Variants in MEF2A observed in about 807,000 individuals in gnomAD.
MEF2A encodes the protein myocyte enhancer factor 2A, also known as myocyte-specific enhancer factor 2A.
Under a neutral mutation model 55.8 loss-of-function variants are expected in MEF2A, and 28 were observed. The observed-to-expected ratio is 0.50, with a 90% CI of 0.37 to 0.69. The LOEUF (loss-of-function observed/expected upper bound fraction) is 0.69. Ranked by LOEUF, MEF2A falls within the 30% of genes least tolerant of loss-of-function variation. The pLI, the probability that MEF2A is intolerant of heterozygous loss-of-function variation, is 0.00. For missense variants in MEF2A, 528 were observed against 626.2 expected (o/e 0.84, Z 1.67); for synonymous variants, 239 against 227.1 (o/e 1.05, Z -0.47).
intron 7 of MEF2A, among the ~76,000 whole-genome samples, chr15:99,683,692 C>T (rs1424007826): frequency 6.8e-6 from 1 of 146,836 alleles, no homozygotes; most frequent in Non-Finnish European, 1.5e-5. Flanking sequence ...TTGCGAGCCA[C>T]CATGCCTGGG....
chr15:99,667,388 C>T (rs1424200666), intron 4 of MEF2A, among the ~76,000 whole-genome samples: 2 of 152,070 alleles, frequency 1.3e-5, no homozygotes, highest in African/African-American at 4.8e-5. Context: ...GCCCAGCTAA[C>T]TTTGTTTTTG....
rs574201257 is a variant in MEF2A at position 99,609,071 on chromosome 15, A to C, written c.-143+10560A>C. Among the ~76,000 whole-genome samples the C allele has an allele frequency of 1.1e-4, 17 of 152,308 alleles. No individual in the cohort carries two copies. In the East Asian group the frequency reaches 3.1e-3, roughly 28 times the overall value. ...GAAAAGGCCCCTCTGATTTTAAGTA[A>C]ATAGTGGCTTCTGCTACAGTTAAGG... On this transcript the variant is annotated intron_variant, in intron 2 of 11. Coordinates refer to ENST00000557942, the MANE Select transcript of MEF2A (RefSeq NM_001319206.4).
At chr15:99,670,757 G>A (rs117991243) in intron 4 of MEF2A, among the ~76,000 whole-genome samples, 1 of 152,180 alleles carries the variant, frequency 6.6e-6, no homozygotes, top group African/African-American at 2.4e-5. Flanking sequence ...CTACATAGGA[G>A]TCATTGCAGA....
chr15:99,606,261 A>G (rs1567212682), intron 2 of MEF2A, among the ~76,000 whole-genome samples: 2 of 152,318 alleles, frequency 1.3e-5, no homozygotes, highest in East Asian at 1.9e-4. Flanking sequence ...TGATTCGTAT[A>G]TTTCAACATG....
chr15:99,586,621 A>G (rs192710310), intron 1 of MEF2A, among the ~76,000 whole-genome samples: 8 of 152,080 alleles, frequency 5.3e-5, no homozygotes, highest in African/African-American at 1.9e-4. Flanking sequence ...TTTATCCCTT[A>G]ATGGTATCTT....
chr15:99,596,726 T>G (rs765480203), intron 1 of MEF2A, among the ~76,000 whole-genome samples: 1 of 152,188 alleles, frequency 6.6e-6, no homozygotes, highest in South Asian at 2.1e-4. Context: ...AGGAGAGAGA[T>G]AGCTTTCCTT....
At chr15:99,656,142 T>C (rs1355415248) in intron 4 of MEF2A, among the ~76,000 whole-genome samples, 1 of 152,092 alleles carries the variant, frequency 6.6e-6, no homozygotes, top group Non-Finnish European at 1.5e-5. Context: ...TTACAAAATC[T>C]AGTAGGGACA....
chr15:99,648,369 T>C (rs1187442152), intron 4 of MEF2A, among the ~76,000 whole-genome samples: 1 of 152,128 alleles, frequency 6.6e-6, no homozygotes, highest in Non-Finnish European at 1.5e-5. Context: ...TATAAACCAT[T>C]GAGGTATACT....
chr15:99,712,065 GCTGCTGTTCCT>G lies in MEF2A; in HGVS notation c.1137-321_1137-311del, dbSNP rs1451537949. On this transcript the variant is annotated intron_variant, in intron 11 of 11. Coordinates refer to ENST00000557942, the MANE Select transcript of MEF2A (RefSeq NM_001319206.4). The surrounding 1 kb of genome is among the most constrained non-coding windows in gnomAD (Gnocchi z 4.1). ...GAAGAAGAGGCGGTGAGCAGATGAG[GCTGCTGTTCCT>G]CTGTCTTTCTGGTCCCTGCACAGCA... Among the ~76,000 whole-genome samples the G allele has an allele frequency of 1.2e-4, 18 of 152,368 alleles. No homozygotes were observed. The highest frequency in any genetic ancestry group is 3.4e-3 in the Middle Eastern group (1 of 294).
rs936463674 is a variant in MEF2A, at chr15:99,604,187, ATTG to A, written c.-143+5679_-143+5681del. 5.3e-5 allele frequency among the ~76,000 whole-genome samples: 8 copies of A among 152,170 alleles called. No individual in the cohort carries two copies. In the South Asian group the frequency reaches 6.2e-4, roughly 12 times the overall value. ...TAATGCTGCCTAGATTTTTTAGTTT[ATTG>A]TTTAAAACCAAATTTGGAAATGTTT... On this transcript the variant is annotated intron_variant, in intron 2 of 11. Coordinates refer to ENST00000557942, the MANE Select transcript of MEF2A (RefSeq NM_001319206.4).
chr15:99,655,134 A>G (rs2047489466), intron 4 of MEF2A, among the ~76,000 whole-genome samples: 1 of 152,142 alleles, frequency 6.6e-6, no homozygotes, highest in Non-Finnish European at 1.5e-5. Context: ...CTACAAAACT[A>G]AAGTAATTCA....
At chr15:99,673,100 G>GT (rs1456665925) in intron 5 of MEF2A, among the ~76,000 whole-genome samples, 1 of 152,152 alleles carries the variant, frequency 6.6e-6, no homozygotes, top group Non-Finnish European at 1.5e-5. Context: ...AATAAACTGT[G>GT]TATTGTATGC....
intron 3 of MEF2A, among the ~76,000 whole-genome samples, chr15:99,638,083 C>G (rs913470437): frequency 2.6e-5 from 4 of 152,124 alleles, no homozygotes; most frequent in African/African-American, 4.8e-5. Context: ...GGAAAAATGT[C>G]TATTCAAATC....
intron 4 of MEF2A, among the ~76,000 whole-genome samples, chr15:99,648,791 TTGAGGATGTGCTG>T (rs1244102043): frequency 2.0e-5 from 3 of 152,122 alleles, no homozygotes; most frequent in African/African-American, 4.8e-5. Context: ...CACAAGCCCT[TTGAGGATGTGCTG>T]TGAGGATGTG....
At chr15:99,601,504 G>A (rs1972933143) in intron 2 of MEF2A, among the ~76,000 whole-genome samples, 1 of 140,646 alleles carries the variant, frequency 7.1e-6, no homozygotes, top group Admixed American at 7.2e-5. Context: ...CCAGGTCTTG[G>A]TCAGAGTTTT....
chr15:99,630,573 GTTTTGACCGGTTATA>G (rs977210182), intron 2 of MEF2A, among the ~76,000 whole-genome samples: 10 of 152,046 alleles, frequency 6.6e-5, no homozygotes, highest in Non-Finnish European at 1.5e-4. Context: ...TTTCAGTTGG[GTTTTGACCGGTTATA>G]TTTTGATTTC....
At chr15:99,593,477 G>A (rs1970058738) in intron 1 of MEF2A, among the ~76,000 whole-genome samples, 1 of 152,166 alleles carries the variant, frequency 6.6e-6, no homozygotes, top group African/African-American at 2.4e-5. Flanking sequence ...AATATCTTAA[G>A]GCATGAGGAG....
At chr15:99,591,762 T>C (rs991809829) in intron 1 of MEF2A, among the ~76,000 whole-genome samples, 1 of 152,190 alleles carries the variant, frequency 6.6e-6, no homozygotes, top group African/African-American at 2.4e-5. Context: ...TGCAGTTTGA[T>C]CTACTGTTAA....
chr15:99,657,260 G>A (rs2047891971), intron 4 of MEF2A, among the ~76,000 whole-genome samples: 2 of 151,344 alleles, frequency 1.3e-5, no homozygotes, highest in African/African-American at 4.9e-5. Flanking sequence ...TGTGTGGTAA[G>A]TTCTGTGTTT....
Sources: gnomAD v4.1 joint callset for allele counts (sites outside exome capture counted in the v4.1 genomes callset) on GRCh38, gnomAD v4.1.1 for gene constraint, Gnocchi (gnomAD v3.1) non-coding constraint, MANE v1.5 for transcripts, NCBI Gene and HGNC (gene_info 2026-07-23, HGNC 2026-07-21) for gene names.